Variants in CDH4 observed in about 807,000 individuals in gnomAD.
CDH4 encodes cadherin-4.
CDH4 carries 33 observed loss-of-function variants against 86.0 expected under a neutral mutation model. The ratio of observed to expected loss-of-function variants is 0.38; its 90% CI spans 0.29 to 0.51. The LOEUF (loss-of-function observed/expected upper bound fraction) is 0.51, where lower values mean the gene tolerates loss of function less well. Among genes scored for constraint, CDH4 ranks in the 20% least tolerant of loss-of-function variants. CDH4 has a pLI of 0.86. For synonymous variants in CDH4, 555 were observed against 549.4 expected (o/e 1.01, Z -0.14); for missense variants, 1,114 against 1,307.4 (o/e 0.85, Z 2.28).
intron 2 of CDH4, among the ~76,000 whole-genome samples, chr20:61,422,026 C>G (rs1008525502): frequency 6.6e-6 from 1 of 152,110 alleles, no homozygotes; most frequent in East Asian, 1.9e-4. Context: ...CAAAACCAAA[C>G]AAAAACTTAT....
chr20:61,844,102 C>A (rs1982311591), intron 4 of CDH4, among the ~76,000 whole-genome samples: 1 of 152,228 alleles, frequency 6.6e-6, no homozygotes, highest in African/African-American at 2.4e-5. Context: ...CCAAATGAAG[C>A]CTTTGCCTAA....
chr20:61,658,017 G>T (rs887256397), intron 2 of CDH4, among the ~76,000 whole-genome samples: 2 of 152,100 alleles, frequency 1.3e-5, no homozygotes, highest in Admixed American at 1.3e-4. Context: ...TAAGGGAACA[G>T]GGCCCCACAC....
chr20:61,296,986 A>C (rs1409143156), intron 2 of CDH4, among the ~76,000 whole-genome samples: 2 of 152,188 alleles, frequency 1.3e-5, no homozygotes, highest in African/African-American at 2.4e-5. Context: ...GAGCTGAATT[A>C]AGTGAGAGGG....
chr20:61,623,386 C>T lies in CDH4; in HGVS notation c.170-120177C>T, dbSNP rs1277362008. 1.3e-5 allele frequency among the ~76,000 whole-genome samples: 2 copies of T among 152,160 alleles called. No individual in the cohort carries two copies. Among genetic ancestry groups the T allele is most frequent in the African/African-American group, 2.4e-5 (1 of 41,438 alleles). On this transcript the variant is annotated intron_variant, in intron 2 of 15. Coordinates refer to ENST00000614565, the MANE Select transcript of CDH4 (RefSeq NM_001794.5). This position sits in a 1 kb window ranked among gnomAD's most constrained non-coding sequence, Gnocchi z 4.4. ...CTTTCCCCACCCCATCACAAAGCCC[C>T]CTTTAAACTCCCGTTTAGAACAGTG...
At chr20:61,364,129 G>A (rs1001132247) in intron 2 of CDH4, among the ~76,000 whole-genome samples, 1 of 152,192 alleles carries the variant, frequency 6.6e-6, no homozygotes, top group African/African-American at 2.4e-5. Context: ...CTGGCACCTT[G>A]TCCAGCAGAT....
chr20:61,640,648 T>C (rs1025644772), intron 2 of CDH4, among the ~76,000 whole-genome samples: 5 of 152,178 alleles, frequency 3.3e-5, no homozygotes, highest in Admixed American at 2.6e-4. Context: ...CGAGACGGAC[T>C]GGAGATGCAT....
At chr20:61,385,558 G>A (rs910531051) in intron 2 of CDH4, among the ~76,000 whole-genome samples, 4 of 152,070 alleles carry the variant, frequency 2.6e-5, no homozygotes, top group Non-Finnish European at 4.4e-5. Flanking sequence ...CCCTGCCTGC[G>A]TTGGTTCAAA....
intron 4 of CDH4, among the ~76,000 whole-genome samples, chr20:61,784,923 C>T (rs1178345117): frequency 6.6e-6 from 1 of 152,168 alleles, no homozygotes; most frequent in African/African-American, 2.4e-5. Flanking sequence ...TCCTGGCCTC[C>T]TCCTTCCTGG....
chr20:61,647,628 G>A (rs1312688645), intron 2 of CDH4, among the ~76,000 whole-genome samples: 1 of 146,930 alleles, frequency 6.8e-6, no homozygotes, highest in Non-Finnish European at 1.5e-5. Flanking sequence ...AGGTACATGG[G>A]TGGGGAAGAT....
chr20:61,842,455 C>A (rs1982218658), intron 4 of CDH4, among the ~76,000 whole-genome samples: 4 of 152,238 alleles, frequency 2.6e-5, no homozygotes, highest in Admixed American at 6.5e-5. Context: ...CCAGAGCGAG[C>A]TGACCTGTCC....
At chr20:61,882,730 C>T (rs557141993) in intron 7 of CDH4, among the ~76,000 whole-genome samples, 6 of 152,182 alleles carry the variant, frequency 3.9e-5, no homozygotes, top group Admixed American at 6.5e-5. Context: ...AAGGCCCGTG[C>T]GTCTCAGGAG....
chr20:61,378,259 G>C (rs6121537), intron 2 of CDH4, among the ~76,000 whole-genome samples: 5,687 of 151,668 alleles, frequency 0.037, 368 homozygotes, highest in African/African-American at 0.13. Context: ...TCTGTTAAAA[G>C]AAAAAAAAAT....
rs939091950 is a variant in CDH4 at position 61,879,205 on chromosome 20, C to A, written c.1050+5305C>A. 6.6e-6 allele frequency among the ~76,000 whole-genome samples: 1 copy of A among 152,222 alleles called. No homozygotes were observed. The highest frequency in any genetic ancestry group is 2.4e-5 in the African/African-American group (1 of 41,450). On this transcript the variant is annotated intron_variant, in intron 7 of 15. Coordinates refer to ENST00000614565, the MANE Select transcript of CDH4 (RefSeq NM_001794.5). This position sits in a 1 kb window ranked among gnomAD's most constrained non-coding sequence, Gnocchi z 4.1. ...CTTCACCCAGCAGAGCCACTGCCCC[C>A]CTGGGCCCAGGCCTGCTGAGCCCGA... is the stretch of plus-strand genomic sequence containing the variant.
At chr20:61,347,500 G>A (rs2084686165) in intron 2 of CDH4, among the ~76,000 whole-genome samples, 1 of 152,224 alleles carries the variant, frequency 6.6e-6, no homozygotes, top group Non-Finnish European at 1.5e-5. Flanking sequence ...TTCCTGCGGT[G>A]ACTAAATATA....
rs1212417586 is a variant in CDH4, at chr20:61,684,151, TG to T, written c.170-59410del. ...GGCATCGGACAAAGCCTCTGCCCTCTGGATGCCAAACATTCTAGAAACCCCC... is the reference window on the plus strand; with the variant it reads ...GGCATCGGACAAAGCCTCTGCCCTCTGATGCCAAACATTCTAGAAACCCCC... On this transcript the variant is annotated intron_variant, in intron 2 of 15. Coordinates refer to ENST00000614565, the MANE Select transcript of CDH4 (RefSeq NM_001794.5). The surrounding 1 kb of genome is among the most constrained non-coding windows in gnomAD (Gnocchi z 4.5). Among the ~76,000 whole-genome samples the T allele has an allele frequency of 6.6e-6, 1 of 152,218 alleles. No homozygotes were observed. The highest frequency in any genetic ancestry group is 1.5e-5 in the Non-Finnish European group (1 of 68,036).
Position 61,629,992 on chromosome 20 carries a change from C to T in CDH4, c.170-113571C>T, listed in dbSNP as rs576466134. ...AGCTGACTGCCTTGTCCCAGCTTTC[C>T]ACCTCTGCCCGGGCTCCGAGGCGGT... is the stretch of plus-strand genomic sequence containing the variant. On this transcript the variant is annotated intron_variant, in intron 2 of 15. Coordinates refer to ENST00000614565, the MANE Select transcript of CDH4 (RefSeq NM_001794.5). Among the ~76,000 whole-genome samples the T allele has an allele frequency of 1.0e-3, 152 of 152,292 alleles. 1 individual carries two copies. Among genetic ancestry groups the T allele is most frequent in the Non-Finnish European group, 1.0e-4 (7 of 68,006 alleles).
chr20:61,572,130 G>A lies in CDH4; in HGVS notation c.170-171433G>A, dbSNP rs532204284. On this transcript the variant is annotated intron_variant, in intron 2 of 15. Transcript: ENST00000614565. The stretch of plus-strand genomic sequence containing the variant: ...CCTCCAGAATGCAGGCTTCACTTAC[G>A]AAGGAACTGGCAGCCGTGGGGATCT... Among the ~76,000 whole-genome samples the A allele has an allele frequency of 2.0e-4, 30 of 152,254 alleles. 1 individual carries two copies. The East Asian group carries it at 5.0e-3, about 26-fold the overall frequency.
intron 2 of CDH4, among the ~76,000 whole-genome samples, chr20:61,445,560 C>G (rs2085344988): frequency 6.6e-6 from 1 of 152,106 alleles, no homozygotes; most frequent in East Asian, 1.9e-4. Context: ...GCCCCTCCTC[C>G]CCCTCTCCCC....
At chr20:61,283,552 G>GGT (rs201098928) in intron 2 of CDH4, among the ~76,000 whole-genome samples, 19 of 126,868 alleles carry the variant, frequency 1.5e-4, no homozygotes, top group African/African-American at 4.6e-4. Flanking sequence ...CGTGTGCTGT[G>GGT]GTGTGTGATG....
Sources: gnomAD v4.1 joint callset for allele counts (sites outside exome capture counted in the v4.1 genomes callset) on GRCh38, gnomAD v4.1.1 for gene constraint, Gnocchi (gnomAD v3.1) non-coding constraint, MANE v1.5 for transcripts, NCBI Gene and HGNC (gene_info 2026-07-23, HGNC 2026-07-21) for gene names.